ASRGL1: variants seen among roughly 807,000 people sequenced by gnomAD.
The protein encoded by ASRGL1 is asparaginase and isoaspartyl peptidase 1.
Under a neutral mutation model 22.4 loss-of-function variants are expected in ASRGL1, and 16 were observed. The ratio of observed to expected loss-of-function variants is 0.71; its 90% CI spans 0.48 to 1.08. The LOEUF is 1.08. ASRGL1 is among the 50% of genes least tolerant of loss of function. ASRGL1 has a pLI of 0.00. For missense variants in ASRGL1, 412 were observed against 410.1 expected (o/e 1.00, Z -0.04); for synonymous variants, 165 against 159.3 (o/e 1.04, Z -0.27).
chr11:62,400,590 C>T, the ASRGL1 span, among the ~76,000 whole-genome samples: 1 of 152,186 alleles, frequency 6.6e-6, no homozygotes, highest in African/African-American at 2.4e-5. Context: ...AGGAGAACCC[C>T]AGCTTCATAT....
At chr11:62,389,289 C>T in intron 5 of ASRGL1, 38 bp downstream of exon 5, 17 of 1,547,798 alleles carry the variant, frequency 1.1e-5, no homozygotes, top group Non-Finnish European at 1.5e-5. Flanking sequence ...TTCCCCTCTT[C>T]TCCCGCCCTC....
intron 4 of ASRGL1, chr11:62,372,062 C>T: frequency 1.3e-6 from 1 of 755,566 alleles, no homozygotes; most frequent in Non-Finnish European, 2.4e-6. Flanking sequence ...GGTCCGGGTG[C>T]GGACAGTGGT....
chr11:62,368,976 T>A (rs889146874), intron 4 of ASRGL1, among the ~76,000 whole-genome samples: 1 of 152,172 alleles, frequency 6.6e-6, no homozygotes, highest in Admixed American at 6.5e-5. Context: ...TGCCTTCCTC[T>A]TATTACAACT....
At chr11:62,370,079 T>C (rs2134651872) in intron 4 of ASRGL1, among the ~76,000 whole-genome samples, 1 of 151,802 alleles carries the variant, frequency 6.6e-6, no homozygotes, top group African/African-American at 2.4e-5. Context: ...ATTAATCCCA[T>C]AGTCACTGCA....
intron 2 of ASRGL1, among the ~76,000 whole-genome samples, chr11:62,355,665 G>A (rs895868660): frequency 7.7e-5 from 11 of 142,870 alleles, no homozygotes; most frequent in Admixed American, 1.5e-4. Context: ...GGTGTTTCTC[G>A]CAGAGGGGGA....
chr11:62,391,912 G>C (rs1565177327), intron 6 of ASRGL1, 167 bp from the exon 7 acceptor site: 1 of 820,970 alleles, frequency 1.2e-6, no homozygotes, highest in Admixed American at 2.4e-5. Flanking sequence ...GCTGATGCTA[G>C]GGCGCTGTCT....
intron 4 of ASRGL1, among the ~76,000 whole-genome samples, chr11:62,381,443 A>G (rs1368082666): frequency 7.2e-5 from 11 of 152,122 alleles, no homozygotes; most frequent in African/African-American, 7.2e-5. Flanking sequence ...ATCCCTGCCT[A>G]TTCTTCACAA....
chr11:62,369,354 G>A (rs1016312553), intron 4 of ASRGL1, among the ~76,000 whole-genome samples: 1 of 152,082 alleles, frequency 6.6e-6, no homozygotes, highest in Non-Finnish European at 1.5e-5. Flanking sequence ...GCATCTCAAG[G>A]CAGAAGAATA....
chr11:62,400,986 G>C, the ASRGL1 span, among the ~76,000 whole-genome samples: 3 of 152,216 alleles, frequency 2.0e-5, no homozygotes, highest in Non-Finnish European at 2.9e-5. Flanking sequence ...CCCTGCCCAT[G>C]AGCTCAGCTC....
chr11:62,370,619 A>G (rs1285169361), intron 4 of ASRGL1, among the ~76,000 whole-genome samples: 1 of 152,156 alleles, frequency 6.6e-6, no homozygotes, highest in Non-Finnish European at 1.5e-5. Flanking sequence ...CTTTCTGTTA[A>G]GTCACTATTA....
chr11:62,374,924 G>A (rs1019110020), intron 4 of ASRGL1, among the ~76,000 whole-genome samples: 1 of 152,032 alleles, frequency 6.6e-6, no homozygotes, highest in Non-Finnish European at 1.5e-5. Context: ...CTCCTGGAAC[G>A]CAGCCCAGGC....
At chr11:62,390,618 A>G (rs1947314898) in intron 5 of ASRGL1, among the ~76,000 whole-genome samples, 1 of 152,196 alleles carries the variant, frequency 6.6e-6, no homozygotes, top group African/African-American at 2.4e-5. Flanking sequence ...TCCCCAGCAG[A>G]AGCTTATAAG....
chr11:62,351,799 G>A (rs1946173359), intron 2 of ASRGL1, among the ~76,000 whole-genome samples: 1 of 152,088 alleles, frequency 6.6e-6, no homozygotes, highest in Non-Finnish European at 1.5e-5. Flanking sequence ...AGCCTCCCGA[G>A]TAAAGCTGGA....
At chr11:62,360,761 C>T (rs112036030) in intron 4 of ASRGL1, among the ~76,000 whole-genome samples, 95 of 152,226 alleles carry the variant, frequency 6.2e-4, no homozygotes, top group Middle Eastern at 3.4e-3. Context: ...TCTTTACTAA[C>T]GGAAGATTTA....
chr11:62,374,999 G>A (rs916057914), intron 4 of ASRGL1, among the ~76,000 whole-genome samples: 12 of 151,816 alleles, frequency 7.9e-5, no homozygotes, highest in African/African-American at 2.9e-4. Context: ...GGTTGAGGAC[G>A]CAGCACCTGA....
At chr11:62,347,695 A>G (rs1946063257) in intron 2 of ASRGL1, among the ~76,000 whole-genome samples, 1 of 152,098 alleles carries the variant, frequency 6.6e-6, no homozygotes, top group Non-Finnish European at 1.5e-5. Context: ...TAATCTCAGC[A>G]CTTTGGGAGG....
At chr11:62,369,144 G>T (rs188485223) in intron 4 of ASRGL1, among the ~76,000 whole-genome samples, 3 of 152,276 alleles carry the variant, frequency 2.0e-5, no homozygotes, top group African/African-American at 7.2e-5. Context: ...CTAGGCAGAG[G>T]TCCCTGTGGC....
chr11:62,375,509 G>A (rs1463715900), intron 4 of ASRGL1, among the ~76,000 whole-genome samples: 2 of 122,402 alleles, frequency 1.6e-5, no homozygotes, highest in Non-Finnish European at 3.4e-5. Context: ...TTAAATAAAC[G>A]ACATCATTAT....
In ASRGL1 at chr11:62,392,269, C is replaced by T. The variant is rs201308819; in HGVS notation, c.912C>T (p.Ile304=). Reference sequence around the variant, plus strand: ...GAATTGATCCTGACGATACTACTATCACCGACCTTCCCTAAGCCGCTGGAA... The same window carrying T: ...GAATTGATCCTGACGATACTACTATTACCGACCTTCCCTAAGCCGCTGGAA... ...HFGIDPDDTT[I]TDLP Residue 304 remains isoleucine, a synonymous_variant, in exon 7 of 7, where the codon ATC becomes ATT. Coordinates refer to ENST00000415229, the MANE Select transcript of ASRGL1 (RefSeq NM_001083926.2). The T allele has an allele frequency of 1.1e-5, 17 of 1,613,738 alleles. No individual in the cohort carries two copies. In the Admixed American group the frequency reaches 2.3e-4, roughly 22 times the overall value.
Sources: allele counts gnomAD v4.1 joint callset (sites outside exome capture counted in the v4.1 genomes callset), GRCh38; gene constraint gnomAD v4.1.1; transcripts MANE v1.5; gene names NCBI Gene and HGNC (gene_info 2026-07-23, HGNC 2026-07-21).